FOXN4: variants seen among roughly 807,000 people sequenced by gnomAD.
FOXN4 encodes the protein forkhead box N4.
In FOXN4, 12 loss-of-function variants were observed where a neutral mutation model predicts 45.0. That is an observed-to-expected ratio of 0.27 (90% CI 0.17 to 0.43). The LOEUF is 0.43. Ranked by LOEUF, FOXN4 falls within the 20% of genes least tolerant of loss-of-function variation. FOXN4 has a pLI of 1.00. For synonymous variants in FOXN4, 297 were observed against 295.0 expected, an observed-to-expected ratio of 1.01 and a Z score of -0.07; for missense variants, 560 against 694.9, an observed-to-expected ratio of 0.81 and a Z score of 2.18.
Position 109,281,640 on chromosome 12 carries a change from A to G in FOXN4, c.1061T>C (p.Leu354Pro), listed in dbSNP as rs1286920139. 1.2e-6 allele frequency: 2 copies of G among 1,610,926 alleles called. No individual in the cohort carries two copies. The highest frequency in any genetic ancestry group is 2.7e-5 in the African/African-American group (2 of 74,878). ...SQLPPQPLMT[L>P]SLQSVPLHHQ... The stretch of plus-strand genomic sequence containing the variant: ...GTGCAGGGGGACTGACTGCAGGGAC[A>G]GGGTCATCAGTGGCTGGGGTGGGAG... The change falls in exon 9 of 10, where the codon CTG (leucine) becomes CCG (proline). Residue 354 changes from leucine to proline, a missense_variant. By Grantham distance (98) the Leu-to-Pro change is moderately conservative. Around this residue, in one of 5 missense-constraint regions of FOXN4, gnomAD observed 315 missense variants for 350.5 expected, o/e 0.90. Transcript: ENST00000299162.
chr12:109,282,597 A>G (rs897522805), intron 8 of FOXN4, among the ~76,000 whole-genome samples: 1 of 152,222 alleles, frequency 6.6e-6, no homozygotes, highest in Non-Finnish European at 1.5e-5. Context: ...TACAAATCCC[A>G]TAAGACTGGG....
intron 7 of FOXN4, among the ~76,000 whole-genome samples, 190 bp from the exon 8 acceptor site, chr12:109,285,701 C>A (rs1433676256): frequency 6.6e-6 from 1 of 152,086 alleles, no homozygotes; most frequent in Non-Finnish European, 1.5e-5. Flanking sequence ...TGTGGCCATG[C>A]CCTGATGAGA....
chr12:109,279,352 A>G lies in FOXN4; in HGVS notation c.*319T>C. The G allele has an allele frequency of 2.4e-6, 1 of 410,226 alleles. No individual in the cohort carries two copies. The highest frequency in any genetic ancestry group is 2.8e-5 in the South Asian group (1 of 35,732). 25.4% of individuals were successfully genotyped at this position (410,226 alleles called of 1,614,324 possible). A position where few individuals can be genotyped will look rare whatever the true frequency, so the allele number is the denominator to read the frequency against. ...CCAGGATCCAGGATGGAGAAGTCTC[A>G]CTCAACACGGGCAGGCATTGCGGCT... On this transcript the variant is annotated 3_prime_UTR_variant, in exon 10 of 10. Coordinates refer to ENST00000299162, the MANE Select transcript of FOXN4 (RefSeq NM_213596.3).
At chr12:109,284,186 GTA>G (rs2136914543) in intron 8 of FOXN4, among the ~76,000 whole-genome samples, 1 of 152,374 alleles carries the variant, frequency 6.6e-6, no homozygotes, top group South Asian at 2.1e-4. Flanking sequence ...CCATGGTTGT[GTA>G]GTTTGGCATT....
Position 109,308,278 on chromosome 12 carries a change from C to T in FOXN4, c.44G>A (p.Arg15Gln). ...DTSSIMSGII[R>Q]NSGQNHHPSP... ...GGGGTGGTGATTTTGCCCTGAGTTT[C>T]GAATAATTCCTGACATTATGGATGA... is the stretch of plus-strand genomic sequence containing the variant. The change falls in exon 2 of 10, where the codon CGA becomes CAA. Residue 15 changes from arginine to glutamine, a missense_variant. This residue lies in a region of FOXN4 where 142 missense variants were observed against 185.7 expected (regional missense o/e 0.76). Coordinates refer to ENST00000299162, the MANE Select transcript of FOXN4 (RefSeq NM_213596.3). 4.5e-6 allele frequency: 7 copies of T among 1,551,948 alleles called. No homozygotes were observed. Among genetic ancestry groups the T allele is most frequent in the East Asian group, 2.4e-5 (1 of 40,910 alleles).
chr12:109,282,439 C>T (rs948104592), intron 8 of FOXN4, among the ~76,000 whole-genome samples: 6 of 152,016 alleles, frequency 3.9e-5, no homozygotes, highest in African/African-American at 1.5e-4. Flanking sequence ...TAGAGCAAGA[C>T]CCTGCCTTTA....
At chr12:109,281,352 C>G (rs2047649889) in intron 9 of FOXN4, 55 bp downstream of exon 9, 9 of 1,594,114 alleles carry the variant, frequency 5.6e-6, no homozygotes, top group Non-Finnish European at 7.7e-6. Context: ...CCCTTTGGCC[C>G]CCGGGCCTCT....
At chr12:109,304,250 A>AGAAG (rs2047895361) in intron 2 of FOXN4, among the ~76,000 whole-genome samples, 1 of 95,582 alleles carries the variant, frequency 1.0e-5, no homozygotes. Context: ...AAAGAAAGAA[A>AGAAG]GAAAGAAAGA....
In FOXN4 at chr12:109,281,644, TC is replaced by T; in HGVS notation, c.1056del (p.Met352IlefsTer54). ...AGGGGGACTGACTGCAGGGACAGGGTCATCAGTGGCTGGGGTGGGAGCTGGG... is the reference window on the plus strand; with the variant it reads ...AGGGGGACTGACTGCAGGGACAGGGTATCAGTGGCTGGGGTGGGAGCTGGG... Reference protein sequence around the residue: ...AVSQLPPQPLMTLSLQSVPLH... With the variant: ...AVSQLPPQPLXTLSLQSVPLH... On this transcript the variant is annotated frameshift_variant, in exon 9 of 10. Transcript: ENST00000299162. LOFTEE classifies it high-confidence loss of function. 8 of 1,610,820 alleles carry T rather than the reference TC, an allele frequency of 5.0e-6. No homozygotes were observed. Among genetic ancestry groups the T allele is most frequent in the Non-Finnish European group, 6.8e-6 (8 of 1,178,674 alleles).
In FOXN4 at chr12:109,290,839, C is replaced by T. The variant is rs908123121; in HGVS notation, c.87-553G>A. Among the ~76,000 whole-genome samples the T allele has an allele frequency of 4.6e-5, 7 of 152,184 alleles. No individual in the cohort carries two copies. Among genetic ancestry groups the T allele is most frequent in the Admixed American group, 1.3e-4 (2 of 15,278 alleles). ...GGAACGGTCTGCGTGGATGATCCTGCCATGTGCTGAGGCAGCTGAGTGCCT... is the reference window on the plus strand; with the variant it reads ...GGAACGGTCTGCGTGGATGATCCTGTCATGTGCTGAGGCAGCTGAGTGCCT... On this transcript the variant is annotated intron_variant, in intron 2 of 9. Coordinates refer to ENST00000299162, the MANE Select transcript of FOXN4 (RefSeq NM_213596.3). The surrounding 1 kb of genome is among the most constrained non-coding windows in gnomAD (Gnocchi z 5.1).
chr12:109,281,309 G>A, intron 9 of FOXN4, 98 bp downstream of exon 9: 2 of 1,421,084 alleles, frequency 1.4e-6, no homozygotes, highest in Non-Finnish European at 1.9e-6. Flanking sequence ...AGACTGTGGG[G>A]CAAATGCAGG....
rs546801303 is a variant in FOXN4, at chr12:109,281,757, C to T, written c.944G>A (p.Arg315Gln). 53 of 1,602,716 alleles carry T rather than the reference C, an allele frequency of 3.3e-5. No individual in the cohort carries two copies. Among genetic ancestry groups the T allele is most frequent in the Middle Eastern group, 2.0e-4 (1 of 4,946 alleles). The change falls in exon 9 of 10, where the codon CGG becomes CAG. Residue 315 changes from arginine to glutamine, a missense_variant. This residue lies in a region of FOXN4 where 315 missense variants were observed against 350.5 expected (regional missense o/e 0.90). Coordinates refer to ENST00000299162, the MANE Select transcript of FOXN4 (RefSeq NM_213596.3). ...KLISDRPESCRRPGKPGEPEA... is the reference protein window; with the variant it reads ...KLISDRPESCQRPGKPGEPEA... ...TGGTTCCCCCGGTTTGCCGGGGCGC[C>T]GGCAGCTTTCAGGCCGGTCGGAGAT...
chr12:109,285,243 C>CTGTG, intron 8 of FOXN4, 61 bp downstream of exon 8: 1 of 1,247,876 alleles, frequency 8.0e-7, no homozygotes, highest in Non-Finnish European at 1.1e-6. Context: ...CCTTCCTCTT[C>CTGTG]CGTGTGTGTG....
chr12:109,304,862 C>T (rs554686443), intron 2 of FOXN4, among the ~76,000 whole-genome samples: 27 of 152,308 alleles, frequency 1.8e-4, no homozygotes, highest in African/African-American at 6.3e-4. Flanking sequence ...TGGGAAGTCA[C>T]TGTGTAATCA....
intron 8 of FOXN4, among the ~76,000 whole-genome samples, chr12:109,284,893 T>C (rs2047690510): frequency 6.9e-6 from 1 of 145,128 alleles, no homozygotes; most frequent in African/African-American, 2.6e-5. Flanking sequence ...CGCATGTGTG[T>C]ATTGGTCTGT....
chr12:109,296,334 G>A (rs572534783), intron 2 of FOXN4, among the ~76,000 whole-genome samples: 70 of 152,320 alleles, frequency 4.6e-4, no homozygotes, highest in African/African-American at 1.5e-3. Context: ...ACAAGCCTCC[G>A]TTGCACTAAA....
In FOXN4 at chr12:109,287,117, T is replaced by C. The variant is rs2047719921; in HGVS notation, c.596+280A>G. Among the ~76,000 whole-genome samples the C allele has an allele frequency of 6.6e-6, 1 of 152,118 alleles. No individual in the cohort carries two copies. The highest frequency in any genetic ancestry group is 6.5e-5 in the Admixed American group (1 of 15,280). Reference sequence around the variant, plus strand: ...TGATGACTTTTTACATTTGGGGAAATCGAGGCTCAGAGAGGTCATCCCACT... The same window carrying C: ...TGATGACTTTTTACATTTGGGGAAACCGAGGCTCAGAGAGGTCATCCCACT... On this transcript the variant is annotated intron_variant, in intron 6 of 9. Transcript: ENST00000299162. The surrounding 1 kb of genome is among the most constrained non-coding windows in gnomAD (Gnocchi z 4.1).
intron 2 of FOXN4, among the ~76,000 whole-genome samples, chr12:109,305,385 A>G (rs532379595): frequency 6.6e-6 from 1 of 151,972 alleles, no homozygotes; most frequent in African/African-American, 2.4e-5. Context: ...TATTGTTGTT[A>G]TTATTATTAT....
intron 2 of FOXN4, among the ~76,000 whole-genome samples, chr12:109,296,153 C>T (rs544440530): frequency 1.3e-5 from 2 of 152,206 alleles, no homozygotes; most frequent in African/African-American, 2.4e-5. Flanking sequence ...GCTGCTGGGT[C>T]GCCCAGAGGC....
Sources: gnomAD v4.1 joint callset for allele counts (sites outside exome capture counted in the v4.1 genomes callset) on GRCh38, gnomAD v4.1.1 for gene constraint, gnomAD v4.1.1 regional missense constraint, Gnocchi (gnomAD v3.1) non-coding constraint, MANE v1.5 for transcripts, NCBI Gene and HGNC (gene_info 2026-07-23, HGNC 2026-07-21) for gene names.